Variants in SLC22A23 observed in about 807,000 individuals in gnomAD.
The protein encoded by SLC22A23 is ion transporter protein.
A neutral mutation model predicts 61.0 loss-of-function variants in SLC22A23; 26 were observed. The ratio of observed to expected loss-of-function variants is 0.43; its 90% confidence interval spans 0.31 to 0.59. The LOEUF is 0.59. Ranked by LOEUF, SLC22A23 falls within the 20% of genes least tolerant of loss-of-function variation. The pLI is 0.11. For synonymous variants in SLC22A23, 430 were observed against 413.9 expected (o/e 1.04, Z -0.47); for missense variants, 796 against 934.7 (o/e 0.85, Z 1.94).
intron 3 of SLC22A23, among the ~76,000 whole-genome samples, chr6:3,394,633 C>T (rs919020744): frequency 6.6e-6 from 1 of 152,078 alleles, no homozygotes; most frequent in African/African-American, 2.4e-5. Context: ...CCAGAGTGAT[C>T]CCCCCCAAAC....
Position 3,333,642 on chromosome 6 carries a change from A to C in SLC22A23, c.914-9640T>G, listed in dbSNP as rs56786893. 2.6e-5 allele frequency among the ~76,000 whole-genome samples: 4 copies of C among 152,054 alleles called. No individual in the cohort carries two copies. Among genetic ancestry groups the C allele is most frequent in the African/African-American group, 9.7e-5 (4 of 41,364 alleles). On this transcript the variant is annotated intron_variant, in intron 3 of 9. Coordinates refer to ENST00000406686, the MANE Select transcript of SLC22A23 (RefSeq NM_015482.2). The surrounding 1 kb of genome is among the most constrained non-coding windows in gnomAD (Gnocchi z 4.1). ...CTTGCCCAGAAGCTTTGCCCTGACC[A>C]TGCTATATAAAATAGTAATCCCTGC...
At chr6:3,384,069 C>A (rs531445882) in intron 3 of SLC22A23, among the ~76,000 whole-genome samples, 1 of 152,168 alleles carries the variant, frequency 6.6e-6, no homozygotes, top group African/African-American at 2.4e-5. Flanking sequence ...AGAACAAAAA[C>A]GGTGCCAGGC....
At chr6:3,370,869 G>A (rs1766174436) in intron 3 of SLC22A23, among the ~76,000 whole-genome samples, 1 of 152,180 alleles carries the variant, frequency 6.6e-6, no homozygotes, top group Admixed American at 6.5e-5. Context: ...GCTCCTACCT[G>A]AGATTTATTT....
intron 9 of SLC22A23, chr6:3,283,642 C>T (rs1759687447): frequency 6.4e-6 from 4 of 629,604 alleles, no homozygotes; most frequent in South Asian, 5.3e-5. Flanking sequence ...CCTGCTGCTG[C>T]CTGGACAGGA....
intron 1 of SLC22A23, among the ~76,000 whole-genome samples, chr6:3,448,719 C>A (rs1772034115): frequency 6.6e-6 from 1 of 152,192 alleles, no homozygotes; most frequent in Non-Finnish European, 1.5e-5. Flanking sequence ...TGGTCTTGAA[C>A]TCCTGACCTC....
intron 4 of SLC22A23, chr6:3,323,233 T>G (rs1263873417): frequency 1.5e-5 from 7 of 456,254 alleles, no homozygotes; most frequent in Middle Eastern, 3.2e-4. Context: ...AAGGACCAGA[T>G]AGTAAATATT....
At chr6:3,377,149 A>T (rs1766625913) in intron 3 of SLC22A23, among the ~76,000 whole-genome samples, 1 of 152,336 alleles carries the variant, frequency 6.6e-6, no homozygotes, top group East Asian at 1.9e-4. Context: ...TTGTTTACAT[A>T]TCATCTGTGG....
chr6:3,341,054 T>C (rs907211510), intron 3 of SLC22A23, among the ~76,000 whole-genome samples: 2 of 152,226 alleles, frequency 1.3e-5, no homozygotes, highest in Admixed American at 6.5e-5. Flanking sequence ...AGGGGTCACA[T>C]GGCTCCTGTG....
intron 3 of SLC22A23, among the ~76,000 whole-genome samples, chr6:3,371,325 A>C (rs6925066): frequency 0.4 from 61,132 of 152,136 alleles, 12,671 homozygotes; most frequent in African/African-American, 0.51. Flanking sequence ...TCACCATAGA[A>C]AATATAAGTG....
At chr6:3,274,085 G>A (rs895999340) in intron 9 of SLC22A23, among the ~76,000 whole-genome samples, 1 of 152,184 alleles carries the variant, frequency 6.6e-6, no homozygotes, top group Non-Finnish European at 1.5e-5. Context: ...CTGAGCTCAG[G>A]ATAACCAAAG....
rs930335084 is a variant in SLC22A23, at chr6:3,304,681, G to T, written c.1083-6463C>A. On this transcript the variant is annotated intron_variant, in intron 4 of 9. Coordinates refer to ENST00000406686, the MANE Select transcript of SLC22A23 (RefSeq NM_015482.2). This position sits in a 1 kb window ranked among gnomAD's most constrained non-coding sequence, Gnocchi z 4.3. ...CAGGTGGTCCAGGGGCTGGTCAGGG[G>T]AGGCTCTGGAGAGGCCGGGCTCTGC... 3.9e-5 allele frequency among the ~76,000 whole-genome samples: 6 copies of T among 151,984 alleles called. No homozygotes were observed. The highest frequency in any genetic ancestry group is 7.4e-5 in the Non-Finnish European group (5 of 67,946).
rs1310220416 is a variant in SLC22A23 at position 3,271,581 on chromosome 6, C to G, written c.*1474G>C. ...AGACCACAATTTCCCTGGAAGGACA[C>G]AGCCCATGGCAAAGACATGCTTCGA... On this transcript the variant is annotated 3_prime_UTR_variant, in exon 10 of 10. Transcript: ENST00000406686. 6.6e-6 allele frequency: 1 copy of G among 152,390 alleles called. No individual in the cohort carries two copies. Among genetic ancestry groups the G allele is most frequent in the Non-Finnish European group, 1.5e-5 (1 of 68,050 alleles). 9.4% of individuals were successfully genotyped at this position (152,390 alleles called of 1,614,324 possible).
At chr6:3,440,918 G>A (rs1394359900) in intron 1 of SLC22A23, among the ~76,000 whole-genome samples, 2 of 152,204 alleles carry the variant, frequency 1.3e-5, no homozygotes, top group African/African-American at 4.8e-5. Context: ...GTATTCTGCA[G>A]CCCTAGAAAC....
chr6:3,273,602 C>T (rs3923185), intron 9 of SLC22A23, among the ~76,000 whole-genome samples, 190 bp from the exon 10 acceptor site: 62 of 152,258 alleles, frequency 4.1e-4, no homozygotes, highest in African/African-American at 1.4e-3. Flanking sequence ...CACTCTACGG[C>T]AGTGACTGTT....
intron 1 of SLC22A23, among the ~76,000 whole-genome samples, chr6:3,426,368 C>T (rs562296116): frequency 3.9e-5 from 6 of 152,098 alleles, no homozygotes; most frequent in Middle Eastern, 3.2e-3. Context: ...TGCACAGGGA[C>T]GCATGACTCT....
intron 1 of SLC22A23, among the ~76,000 whole-genome samples, chr6:3,447,017 C>T (rs912565133): frequency 2.0e-5 from 3 of 152,232 alleles, no homozygotes. Flanking sequence ...CGAGATCTCA[C>T]TGCAGCCAGA....
In SLC22A23 at chr6:3,428,000, G is replaced by A. The variant is rs1019394363; in HGVS notation, c.655-12145C>T. On this transcript the variant is annotated intron_variant, in intron 1 of 9. Transcript: ENST00000406686. This position sits in a 1 kb window ranked among gnomAD's most constrained non-coding sequence, Gnocchi z 4.3. ...TGCCTCCGGCATCCTGGGGACAAGC[G>A]GACTGAGAGGCAGCTCTCTAAGAGT... Among the ~76,000 whole-genome samples, 9 of 152,308 alleles carry A rather than the reference G, an allele frequency of 5.9e-5. No homozygotes were observed. The highest frequency in any genetic ancestry group is 2.1e-4 in the South Asian group (1 of 4,830).
chr6:3,281,553 G>A (rs1460660542), intron 9 of SLC22A23, among the ~76,000 whole-genome samples: 1 of 152,162 alleles, frequency 6.6e-6, no homozygotes, highest in Non-Finnish European at 1.5e-5. Context: ...AGGCTTGTCT[G>A]TAATAGTGTC....
At chr6:3,335,877 TAGG>T (rs924921580) in intron 3 of SLC22A23, among the ~76,000 whole-genome samples, 1 of 152,094 alleles carries the variant, frequency 6.6e-6, no homozygotes, top group Non-Finnish European at 1.5e-5. Context: ...ATCAAGAGGT[TAGG>T]AGATCGAGGC....
Sources: gnomAD v4.1 joint callset for allele counts (sites outside exome capture counted in the v4.1 genomes callset) on GRCh38, gnomAD v4.1.1 for gene constraint, Gnocchi (gnomAD v3.1) non-coding constraint, MANE v1.5 for transcripts, NCBI Gene and HGNC (gene_info 2026-07-23, HGNC 2026-07-21) for gene names.